The following ANGPT1 variants were observed in gnomAD, a reference collection of about 807,000 sequenced individuals.
The protein encoded by ANGPT1 is angiopoietin 1.
Under a neutral mutation model 62.2 loss-of-function variants are expected in ANGPT1, and 17 were observed. That is an observed-to-expected ratio of 0.27 (90% CI 0.19 to 0.41). ANGPT1 has a LOEUF of 0.41. Ranked by LOEUF, ANGPT1 falls within the 10% of genes least tolerant of loss-of-function variation. The pLI is 1.00. For missense variants in ANGPT1, 478 were observed against 594.9 expected (o/e 0.80, Z 2.04); for synonymous variants, 199 against 198.9 (o/e 1.00, Z 0.00).
chr8:107,312,841 C>G lies in ANGPT1; in HGVS notation c.808+9055G>C, dbSNP rs938251665. Reference sequence around the variant, plus strand: ...GACTAGAACAGAGATGTCATGATTCCTGCTCCTTCTAAACCACCATGCCTG... The same window carrying G: ...GACTAGAACAGAGATGTCATGATTCGTGCTCCTTCTAAACCACCATGCCTG... On this transcript the variant is annotated intron_variant, in intron 4 of 8. Transcript: ENST00000517746. Among the ~76,000 whole-genome samples the G allele has an allele frequency of 7.9e-5, 12 of 152,158 alleles. 1 individual carries two copies. The South Asian group carries it at 1.3e-3, about 16-fold the overall frequency.
chr8:107,315,475 T>C (rs143168246), intron 4 of ANGPT1, among the ~76,000 whole-genome samples: 421 of 152,236 alleles, frequency 2.8e-3, no homozygotes, highest in African/African-American at 9.8e-3. Context: ...AACTGAGCCA[T>C]GTAGCATACC....
At chr8:107,414,910 T>C (rs1810696580) in intron 1 of ANGPT1, among the ~76,000 whole-genome samples, 1 of 152,214 alleles carries the variant, frequency 6.6e-6, no homozygotes, top group Non-Finnish European at 1.5e-5. Context: ...TGCCACTCTT[T>C]GAATTTTGTC....
intron 1 of ANGPT1, among the ~76,000 whole-genome samples, chr8:107,456,038 C>A (rs563151405): frequency 6.6e-6 from 1 of 152,132 alleles, no homozygotes; most frequent in South Asian, 2.1e-4. Flanking sequence ...TATGTATCAG[C>A]ACATCAGCAG....
chr8:107,487,164 C>A (rs1812835557), intron 1 of ANGPT1, among the ~76,000 whole-genome samples: 1 of 152,148 alleles, frequency 6.6e-6, no homozygotes, highest in Admixed American at 6.6e-5. Context: ...CATTCACCTT[C>A]CCTGTCGTCC....
intron 1 of ANGPT1, among the ~76,000 whole-genome samples, chr8:107,473,913 AATAAC>A (rs1812431479): frequency 6.6e-6 from 1 of 152,150 alleles, no homozygotes; most frequent in South Asian, 2.1e-4. Context: ...TTAATTGACC[AATAAC>A]AAGTTCTGAA....
At chr8:107,407,787 T>A (rs1174355074) in intron 1 of ANGPT1, among the ~76,000 whole-genome samples, 1 of 152,100 alleles carries the variant, frequency 6.6e-6, no homozygotes, top group Non-Finnish European at 1.5e-5. Context: ...AGAGGCGGTG[T>A]GTATGCAGGG....
intron 1 of ANGPT1, among the ~76,000 whole-genome samples, chr8:107,450,712 G>GTGTGTT (rs1811750049): frequency 7.1e-6 from 1 of 141,466 alleles, no homozygotes; most frequent in African/African-American, 2.7e-5. Context: ...ATAGGTGTGT[G>GTGTGTT]TGTGTGTGTG....
At chr8:107,276,957 G>A (rs568714527) in intron 7 of ANGPT1, among the ~76,000 whole-genome samples, 1 of 152,198 alleles carries the variant, frequency 6.6e-6, no homozygotes, top group East Asian at 1.9e-4. Context: ...TCCAGAACAA[G>A]GCTTATGATA....
intron 1 of ANGPT1, among the ~76,000 whole-genome samples, chr8:107,460,209 C>G (rs929240592): frequency 6.6e-6 from 1 of 152,138 alleles, no homozygotes. Context: ...ACTTCTAATT[C>G]TGCATTTATA....
At chr8:107,462,506 G>T (rs1380591143) in intron 1 of ANGPT1, among the ~76,000 whole-genome samples, 2 of 151,752 alleles carry the variant, frequency 1.3e-5, no homozygotes, top group Non-Finnish European at 2.9e-5. Context: ...GAATGCATAA[G>T]ACCTTTACAA....
chr8:107,327,466 C>T (rs1815315899), intron 3 of ANGPT1, among the ~76,000 whole-genome samples: 1 of 152,074 alleles, frequency 6.6e-6, no homozygotes, highest in South Asian at 2.1e-4. Flanking sequence ...ATTTTAAACA[C>T]AAAACCTGGA....
At chr8:107,330,111 A>G (rs1442672522) in intron 3 of ANGPT1, among the ~76,000 whole-genome samples, 1 of 152,176 alleles carries the variant, frequency 6.6e-6, no homozygotes, top group Non-Finnish European at 1.5e-5. Context: ...CAAACATCAA[A>G]TATGTCTGAA....
chr8:107,254,816 G>C (rs145231594), intron 8 of ANGPT1, among the ~76,000 whole-genome samples: 2 of 152,234 alleles, frequency 1.3e-5, no homozygotes, highest in Non-Finnish European at 2.9e-5. Context: ...AGTTTAGCCA[G>C]CCTGCTTGTC....
intron 2 of ANGPT1, among the ~76,000 whole-genome samples, chr8:107,339,910 T>C (rs560321642): frequency 1.4e-4 from 22 of 152,124 alleles, no homozygotes; most frequent in Non-Finnish European, 2.5e-4. Flanking sequence ...GAGTCCAATA[T>C]CAGAAGTCCA....
intron 6 of ANGPT1, among the ~76,000 whole-genome samples, chr8:107,288,240 C>T (rs946053414): frequency 6.6e-6 from 1 of 152,084 alleles, no homozygotes; most frequent in Non-Finnish European, 1.5e-5. Flanking sequence ...TTACAACCAA[C>T]TGATTTCAAT....
chr8:107,493,331 A>G (rs1476877356), intron 1 of ANGPT1, among the ~76,000 whole-genome samples: 1 of 150,558 alleles, frequency 6.6e-6, no homozygotes, highest in Non-Finnish European at 1.5e-5. Flanking sequence ...ATGACATTTG[A>G]GAACTCAGCC....
intron 1 of ANGPT1, among the ~76,000 whole-genome samples, chr8:107,395,634 T>C (rs1816920315): frequency 6.6e-6 from 1 of 152,182 alleles, no homozygotes; most frequent in African/African-American, 2.4e-5. Flanking sequence ...AATAAGGATA[T>C]TTTGTAATAT....
intron 4 of ANGPT1, among the ~76,000 whole-genome samples, chr8:107,309,545 C>T (rs891033872): frequency 6.6e-6 from 1 of 152,128 alleles, no homozygotes; most frequent in Non-Finnish European, 1.5e-5. Context: ...TAATGTCTTG[C>T]ATTTCAAGGG....
At chr8:107,391,868 C>A (rs139132255) in intron 1 of ANGPT1, among the ~76,000 whole-genome samples, 21 of 152,248 alleles carry the variant, frequency 1.4e-4, no homozygotes, top group African/African-American at 4.6e-4. Flanking sequence ...TATCTAAACA[C>A]AGAAAATGTA....
Sources: allele counts gnomAD v4.1 joint callset (sites outside exome capture counted in the v4.1 genomes callset), GRCh38; gene constraint gnomAD v4.1.1; transcripts MANE v1.5; gene names NCBI Gene and HGNC (gene_info 2026-07-23, HGNC 2026-07-21).